OSBPL3: variants seen among roughly 807,000 people sequenced by gnomAD.
OSBPL3 encodes oxysterol-binding protein-related protein 3.
Under a neutral mutation model 120.1 loss-of-function variants are expected in OSBPL3, and 65 were observed. The ratio of observed to expected loss-of-function variants is 0.54; its 90% confidence interval spans 0.44 to 0.67. The LOEUF is 0.67. Ranked by LOEUF, OSBPL3 falls within the 30% of genes least tolerant of loss-of-function variation. The pLI, the probability that OSBPL3 is intolerant of heterozygous loss-of-function variation, is 0.00. For missense variants in OSBPL3, 1,004 were observed against 1,082.1 expected (o/e 0.93, Z 1.01); for synonymous variants, 416 against 402.6 (o/e 1.03, Z -0.40).
At chr7:24,807,897 A>AC (rs915403615) in intron 20 of OSBPL3, among the ~76,000 whole-genome samples, 20 of 151,166 alleles carry the variant, frequency 1.3e-4, no homozygotes, top group Non-Finnish European at 2.5e-4. Context: ...TCTTCTGCAG[A>AC]CCCCCCCTTT....
intron 1 of OSBPL3, among the ~76,000 whole-genome samples, chr7:24,944,201 A>G (rs1435308523): frequency 6.6e-6 from 1 of 152,240 alleles, no homozygotes; most frequent in Non-Finnish European, 1.5e-5. Context: ...GTCTGGTTAC[A>G]ATAGTGGCTG....
chr7:24,864,175 G>T (rs1415780804), intron 7 of OSBPL3, among the ~76,000 whole-genome samples: 1 of 152,146 alleles, frequency 6.6e-6, no homozygotes, highest in African/African-American at 2.4e-5. Flanking sequence ...GGACCTGAGA[G>T]GACATAAGAG....
intron 1 of OSBPL3, among the ~76,000 whole-genome samples, chr7:24,925,719 T>C (rs1810964247): frequency 1.3e-5 from 2 of 152,336 alleles, no homozygotes; most frequent in South Asian, 4.1e-4. Flanking sequence ...ATCACTGAAT[T>C]GTATACAAGA....
At chr7:24,800,394 G>A (rs1269438670) in intron 22 of OSBPL3, 115 bp from the exon 23 acceptor site, 6 of 603,766 alleles carry the variant, frequency 9.9e-6, no homozygotes, top group Admixed American at 2.6e-5. Context: ...TGCATTCAGC[G>A]TCCCAGAGTG....
rs1816234549 is a variant in OSBPL3, at chr7:24,965,220, G to A, written c.-150+14666C>T. 6.6e-6 allele frequency among the ~76,000 whole-genome samples: 1 copy of A among 152,158 alleles called. No individual in the cohort carries two copies. Among genetic ancestry groups the A allele is most frequent in the African/African-American group, 2.4e-5 (1 of 41,424 alleles). ...CTCAAAATCATTTGAATAAAATGTA[G>A]TATTTTCCAAGGAAAAAAGACAATG... On this transcript the variant is annotated intron_variant, in intron 1 of 22. Coordinates refer to ENST00000313367, the MANE Select transcript of OSBPL3 (RefSeq NM_015550.4). This position sits in a 1 kb window ranked among gnomAD's most constrained non-coding sequence, Gnocchi z 4.3.
chr7:24,961,527 C>T (rs995295019), intron 1 of OSBPL3, among the ~76,000 whole-genome samples: 3 of 152,052 alleles, frequency 2.0e-5, no homozygotes. Flanking sequence ...CATTAGCGCT[C>T]CCACAAAAAA....
intron 1 of OSBPL3, among the ~76,000 whole-genome samples, chr7:24,958,494 T>A (rs559054797): frequency 6.6e-6 from 1 of 152,188 alleles, no homozygotes; most frequent in African/African-American, 2.4e-5. Context: ...TACTTCCAAC[T>A]TCACTTACAA....
rs986886045 is a variant in OSBPL3 at position 24,820,947 on chromosome 7, G to A, written c.1885-709C>T. On this transcript the variant is annotated intron_variant, in intron 16 of 22. Coordinates refer to ENST00000313367, the MANE Select transcript of OSBPL3 (RefSeq NM_015550.4). The surrounding 1 kb of genome is among the most constrained non-coding windows in gnomAD (Gnocchi z 4.6). ...CTCATTCCAGAAAAGAGAATCCCCTGGAGCAGAGAGTGCCCTTTGGCAAGG... is the reference window on the plus strand; with the variant it reads ...CTCATTCCAGAAAAGAGAATCCCCTAGAGCAGAGAGTGCCCTTTGGCAAGG... 7.9e-5 allele frequency among the ~76,000 whole-genome samples: 12 copies of A among 152,198 alleles called. No individual in the cohort carries two copies. The highest frequency in any genetic ancestry group is 2.9e-4 in the African/African-American group (12 of 41,444).
chr7:24,798,103 C>G lies in OSBPL3; in HGVS notation c.*2080G>C, dbSNP rs1166403475. Reference sequence around the variant, plus strand: ...ATCATATTTTAATTCGTTCCCACCCCCATCTCAAATAAGATGACTACAGAC... The same window carrying G: ...ATCATATTTTAATTCGTTCCCACCCGCATCTCAAATAAGATGACTACAGAC... On this transcript the variant is annotated 3_prime_UTR_variant, in exon 23 of 23. Coordinates refer to ENST00000313367, the MANE Select transcript of OSBPL3 (RefSeq NM_015550.4). This position sits in a 1 kb window ranked among gnomAD's most constrained non-coding sequence, Gnocchi z 4.6. The G allele has an allele frequency of 6.6e-6, 1 of 152,170 alleles. No homozygotes were observed. Among genetic ancestry groups the G allele is most frequent in the Non-Finnish European group, 1.5e-5 (1 of 68,040 alleles). The allele number at this position is 152,170 out of a possible 1,614,324, so 9.4% of individuals were successfully genotyped here.
chr7:24,889,220 G>A (rs773464089), intron 2 of OSBPL3, among the ~76,000 whole-genome samples: 1 of 152,168 alleles, frequency 6.6e-6, no homozygotes, highest in Non-Finnish European at 1.5e-5. Context: ...TGAACTGGAG[G>A]ACATTATGTT....
rs1425373097 is a variant in OSBPL3 at position 24,820,703 on chromosome 7, C to T, written c.1885-465G>A. Reference sequence around the variant, plus strand: ...AAATGCAACCCAAAATGTTCTTCCTCGGGCTCAGCCAATTTAACTCTTGAA... The same window carrying T: ...AAATGCAACCCAAAATGTTCTTCCTTGGGCTCAGCCAATTTAACTCTTGAA... On this transcript the variant is annotated intron_variant, in intron 16 of 22. Coordinates refer to ENST00000313367, the MANE Select transcript of OSBPL3 (RefSeq NM_015550.4). This position sits in a 1 kb window ranked among gnomAD's most constrained non-coding sequence, Gnocchi z 4.6. 1.3e-5 allele frequency among the ~76,000 whole-genome samples: 2 copies of T among 152,012 alleles called. No individual in the cohort carries two copies. Among genetic ancestry groups the T allele is most frequent in the Admixed American group, 6.5e-5 (1 of 15,274 alleles).
In OSBPL3 at chr7:24,802,320, T is replaced by C. The variant is rs1408601795; in HGVS notation, c.2567+1995A>G. Among the ~76,000 whole-genome samples the C allele has an allele frequency of 6.6e-6, 1 of 152,158 alleles. No homozygotes were observed. The highest frequency in any genetic ancestry group is 1.5e-5 in the Non-Finnish European group (1 of 68,042). Reference sequence around the variant, plus strand: ...CAAGTCCCCATATTCCTCTCCAAAATCTCTTTGCCAGGTTTCTAATTTGAA... The same window carrying C: ...CAAGTCCCCATATTCCTCTCCAAAACCTCTTTGCCAGGTTTCTAATTTGAA... On this transcript the variant is annotated intron_variant, in intron 22 of 22. Transcript: ENST00000313367. This position sits in a 1 kb window ranked among gnomAD's most constrained non-coding sequence, Gnocchi z 4.1.
In OSBPL3 at chr7:24,933,480, C is replaced by CA. The variant is rs537109321; in HGVS notation, c.-149-40860dup. The stretch of plus-strand genomic sequence containing the variant: ...AAAAAGATGCCCAACATCAGGAGAA[C>CA]AAAAAAAATCCAGAAAAACATCGAG... On this transcript the variant is annotated intron_variant, in intron 1 of 22. Coordinates refer to ENST00000313367, the MANE Select transcript of OSBPL3 (RefSeq NM_015550.4). The surrounding 1 kb of genome is among the most constrained non-coding windows in gnomAD (Gnocchi z 5.1). Among the ~76,000 whole-genome samples the CA allele has an allele frequency of 5.6e-3, 844 of 151,934 alleles. 10 individuals carry two copies. Among genetic ancestry groups the CA allele is most frequent in the Non-Finnish European group, 8.1e-3 (551 of 67,920 alleles).
chr7:24,857,802 TG>T (rs1562836444), intron 10 of OSBPL3, among the ~76,000 whole-genome samples: 3 of 152,230 alleles, frequency 2.0e-5, no homozygotes, highest in Non-Finnish European at 2.9e-5. Context: ...ATTTTTGTGT[TG>T]TTTTTTGCTG....
intron 1 of OSBPL3, among the ~76,000 whole-genome samples, chr7:24,905,827 T>A (rs964429583): frequency 2.6e-5 from 4 of 152,198 alleles, no homozygotes; most frequent in African/African-American, 9.6e-5. Flanking sequence ...GGTCAGCAGT[T>A]CAAGACCAGC....
chr7:24,933,154 G>T lies in OSBPL3; in HGVS notation c.-149-40533C>A, dbSNP rs898818002. On this transcript the variant is annotated intron_variant, in intron 1 of 22. Coordinates refer to ENST00000313367, the MANE Select transcript of OSBPL3 (RefSeq NM_015550.4). This position sits in a 1 kb window ranked among gnomAD's most constrained non-coding sequence, Gnocchi z 5.1. Reference sequence around the variant, plus strand: ...CAGAACTGGGACCCAGCTGAGAGGGGGGTTCGCTGCTCAAGGTTAAAATGG... The same window carrying T: ...CAGAACTGGGACCCAGCTGAGAGGGTGGTTCGCTGCTCAAGGTTAAAATGG... 5.3e-5 allele frequency among the ~76,000 whole-genome samples: 8 copies of T among 152,188 alleles called. No individual in the cohort carries two copies. Among genetic ancestry groups the T allele is most frequent in the African/African-American group, 2.4e-5 (1 of 41,442 alleles).
In OSBPL3 at chr7:24,867,479, G is replaced by A. The variant is rs1321905448; in HGVS notation, c.382-1242C>T. Among the ~76,000 whole-genome samples, 1 of 152,124 alleles carries A rather than the reference G, an allele frequency of 6.6e-6. No individual in the cohort carries two copies. Among genetic ancestry groups the A allele is most frequent in the East Asian group, 1.9e-4 (1 of 5,190 alleles). Reference sequence around the variant, plus strand: ...GGTCAGTGAGAGGTAACTGGATCATGGGGGCAAGTCATTCCCATGGTGTTC... The same window carrying A: ...GGTCAGTGAGAGGTAACTGGATCATAGGGGCAAGTCATTCCCATGGTGTTC... On this transcript the variant is annotated intron_variant, in intron 5 of 22. Transcript: ENST00000313367. This position sits in a 1 kb window ranked among gnomAD's most constrained non-coding sequence, Gnocchi z 4.5.
At chr7:24,843,552 C>G (rs1562811662) in intron 12 of OSBPL3, among the ~76,000 whole-genome samples, 1 of 152,192 alleles carries the variant, frequency 6.6e-6, no homozygotes, top group Non-Finnish European at 1.5e-5. Flanking sequence ...AGGAGGGCCA[C>G]AGCAGATTTT....
intron 15 of OSBPL3, among the ~76,000 whole-genome samples, chr7:24,832,508 T>TAA (rs1796507006): frequency 1.8e-5 from 1 of 54,930 alleles, no homozygotes; most frequent in African/African-American, 5.5e-5. Context: ...AGACTCTGCC[T>TAA]CAAAGAAAAA....
Sources: allele counts gnomAD v4.1 joint callset (sites outside exome capture counted in the v4.1 genomes callset), GRCh38; gene constraint gnomAD v4.1.1; non-coding constraint Gnocchi (gnomAD v3.1); transcripts MANE v1.5; gene names NCBI Gene and HGNC (gene_info 2026-07-23, HGNC 2026-07-21).